The following XCR1 variants were observed in gnomAD, a reference collection of about 807,000 sequenced individuals.
XCR1 encodes the protein chemokine XC receptor 1.
For synonymous variants in XCR1, 187 were observed against 188.5 expected, an observed-to-expected ratio of 0.99 and a Z score of 0.06; for missense variants, 356 against 424.2, an observed-to-expected ratio of 0.84 and a Z score of 1.41.
intron 1 of XCR1, among the ~76,000 whole-genome samples, chr3:46,022,538 G>C (rs1708178557): frequency 6.6e-6 from 1 of 152,230 alleles, no homozygotes; most frequent in Non-Finnish European, 1.5e-5. Flanking sequence ...CTGGTCAGCT[G>C]TGCTGAATTA....
chr3:46,057,615 C>T (rs891285386), intron 4 of XCR1, among the ~76,000 whole-genome samples: 18 of 151,996 alleles, frequency 1.2e-4, no homozygotes, highest in African/African-American at 3.9e-4. Context: ...CATCTACAAT[C>T]GGTTTACTTT....
intron 4 of XCR1, among the ~76,000 whole-genome samples, chr3:46,064,169 G>A (rs984277885): frequency 3.3e-5 from 5 of 152,158 alleles, no homozygotes; most frequent in African/African-American, 9.7e-5. Context: ...CAATGTGTCT[G>A]GCCCCTAATG....
At position 46,021,389 on chromosome 3, in the gene XCR1, C is replaced by A. The variant is rs750737299; in HGVS notation, c.559G>T (p.Val187Phe). The A allele has an allele frequency of 1.2e-6, 2 of 1,614,116 alleles. No individual in the cohort carries two copies. The highest frequency in any genetic ancestry group is 1.7e-6 in the Non-Finnish European group (2 of 1,180,018). ...AGGAAGAAGAGGTTGTGCTGGTAGA[C>A]GGAGGTGAGGTACCACGTGAGTTCG... ...YSELTWYLTS[V>F]YQHNLFFLLS... is the part of the protein sequence containing the mutation. The change falls in exon 2 of 2, where the codon GTC becomes TTC. Residue 187 changes from valine (V) to phenylalanine (F), a missense_variant. By Grantham distance (50) the Val-to-Phe change is conservative. Coordinates refer to ENST00000309285, the MANE Select transcript of XCR1 (RefSeq NM_001024644.2). This position sits in a 1 kb window ranked among gnomAD's most constrained non-coding sequence, Gnocchi z 4.7.
chr3:46,031,554 C>T (rs1218858724), upstream of XCR1, among the ~76,000 whole-genome samples: 1 of 152,218 alleles, frequency 6.6e-6, no homozygotes, highest in Non-Finnish European at 1.5e-5. Flanking sequence ...CTGCAGGCAA[C>T]CCTTGGCATG....
intron 5 of XCR1, among the ~76,000 whole-genome samples, chr3:46,047,107 C>T (rs1376484293): frequency 6.6e-6 from 1 of 152,224 alleles, no homozygotes; most frequent in Non-Finnish European, 1.5e-5. Flanking sequence ...AGTAGCCACA[C>T]TTGGTAGGCT....
At chr3:46,037,868 G>A (rs1468712759) in intron 5 of XCR1, among the ~76,000 whole-genome samples, 1 of 152,082 alleles carries the variant, frequency 6.6e-6, no homozygotes, top group Non-Finnish European at 1.5e-5. Flanking sequence ...CAGTATATTT[G>A]CTATTTTGCA....
At position 46,021,131 on chromosome 3, in the gene XCR1, G is replaced by A. The variant is rs1480751502; in HGVS notation, c.817C>T (p.Arg273Cys). Residue 273 changes from arginine (R) to cysteine (C), a missense_variant, in exon 2 of 2, where the codon CGC becomes TGC. Transcript: ENST00000309285. The surrounding 1 kb of genome is among the most constrained non-coding windows in gnomAD (Gnocchi z 4.7). ...CAGCAGTGGGAGAAGGCGAGGTTGC[G>A]GCAGATGAGCAGGGCGTATTCTAGC... ...QQLEYALLICRNLAFSHCCFN... is the reference protein window; with the variant it reads ...QQLEYALLICCNLAFSHCCFN... The A allele has an allele frequency of 4.3e-6, 7 of 1,614,254 alleles. No individual in the cohort carries two copies. Among genetic ancestry groups the A allele is most frequent in the Middle Eastern group, 1.6e-4 (1 of 6,062 alleles).
At position 46,054,770 on chromosome 3, in the gene XCR1, A is replaced by G. The variant is rs145574756; in HGVS notation, c.-182-700T>C. ...TATATAGCAGGAAAGAAATGTAACA[A>G]TGTGTAAAAAAACAGGAACTAGGGA... On this transcript the variant is annotated intron_variant, in intron 4 of 5. Transcript: ENST00000683768. Among the ~76,000 whole-genome samples, 179 of 152,286 alleles carry G rather than the reference A, an allele frequency of 1.2e-3. 1 individual carries two copies. Among genetic ancestry groups the G allele is most frequent in the South Asian group, 2.3e-3 (11 of 4,822 alleles).
Position 46,020,994 on chromosome 3 carries a change from G to A in XCR1, c.954C>T (p.Ile318=), listed in dbSNP as rs777301850. 1 of 1,612,804 alleles carries A rather than the reference G, an allele frequency of 6.2e-7. No individual in the cohort carries two copies. The highest frequency in any genetic ancestry group is 1.7e-5 in the Admixed American group (1 of 59,854). Residue 318 remains isoleucine (I), a synonymous_variant, in exon 2 of 2, where the codon ATC becomes ATT. Transcript: ENST00000309285. ...AGGCGAAGGCACCAGGGGAGTGGGGGATCGAGGCTGGGCTGGGTGCCTGCA... is the reference window on the plus strand; with the variant it reads ...AGGCGAAGGCACCAGGGGAGTGGGGAATCGAGGCTGGGCTGGGTGCCTGCA... ...CRLQAPSPAS[I]PHSPGAFAYE... is the part of the protein sequence containing the mutation.
At chr3:46,023,663 C>G in intron 1 of XCR1, 1 of 1,417,864 alleles carries the variant, frequency 7.1e-7, no homozygotes, top group Non-Finnish European at 9.9e-7. Context: ...AGCCCTTCTT[C>G]AGAGAAACGC....
At chr3:46,068,751 G>C (rs1698117101) in intron 3 of XCR1, among the ~76,000 whole-genome samples, 1 of 151,022 alleles carries the variant, frequency 6.6e-6, no homozygotes, top group African/African-American at 2.4e-5. Context: ...TTTGTTCTCT[G>C]CTGTTAGCTG....
intron 1 of XCR1, chr3:46,023,251 T>C: frequency 3.2e-6 from 2 of 629,404 alleles, no homozygotes; most frequent in Non-Finnish European, 5.6e-6. Context: ...ATCCCCTCCA[T>C]GTTCCCTGGC....
chr3:46,029,290 A>G (rs1340394483), upstream of XCR1, among the ~76,000 whole-genome samples: 1 of 152,040 alleles, frequency 6.6e-6, no homozygotes, highest in Non-Finnish European at 1.5e-5. Flanking sequence ...TGCAGCTTCA[A>G]TCTCCCAGGC....
intron 5 of XCR1, among the ~76,000 whole-genome samples, chr3:46,042,852 C>T (rs1288994909): frequency 6.6e-6 from 1 of 152,084 alleles, no homozygotes; most frequent in Admixed American, 6.5e-5. Flanking sequence ...GATACCAAAG[C>T]CAAAGACACT....
chr3:46,056,558 C>T (rs1697855249), intron 4 of XCR1, among the ~76,000 whole-genome samples: 1 of 152,164 alleles, frequency 6.6e-6, no homozygotes, highest in African/African-American at 2.4e-5. Flanking sequence ...GCTGCAGCCT[C>T]AACCTCCTGG....
At chr3:46,025,111 T>C (rs1708259308) in intron 1 of XCR1, among the ~76,000 whole-genome samples, 1 of 151,958 alleles carries the variant, frequency 6.6e-6, no homozygotes, top group Non-Finnish European at 1.5e-5. Flanking sequence ...AAGACTTAAA[T>C]CAGTGACATA....
At chr3:46,029,047 A>G (rs992424058), upstream of XCR1, among the ~76,000 whole-genome samples, 3 of 152,210 alleles carry the variant, frequency 2.0e-5, no homozygotes, top group African/African-American at 7.2e-5. Context: ...TGGTCTTTGC[A>G]TCTATCCTTA....
At chr3:46,077,563 T>C (rs148459955) in intron 1 of XCR1, among the ~76,000 whole-genome samples, 1 of 152,158 alleles carries the variant, frequency 6.6e-6, no homozygotes, top group Non-Finnish European at 1.5e-5. Context: ...ACTTGCTTCA[T>C]CCCCAAACCA....
chr3:46,029,837 T>C (rs973290273), upstream of XCR1, among the ~76,000 whole-genome samples: 1 of 100,308 alleles, frequency 1.0e-5, no homozygotes, highest in Non-Finnish European at 1.9e-5. Flanking sequence ...CTTCTTTAGT[T>C]TTTTTTCCAC....
Sources: allele counts gnomAD v4.1 joint callset (sites outside exome capture counted in the v4.1 genomes callset), GRCh38; gene constraint gnomAD v4.1.1; non-coding constraint Gnocchi (gnomAD v3.1); transcripts MANE v1.5; gene names NCBI Gene and HGNC (gene_info 2026-07-23, HGNC 2026-07-21).